ZP3: variants seen among roughly 807,000 people sequenced by gnomAD.
ZP3 encodes zona pellucida sperm-binding protein 3.
Under a neutral mutation model 35.6 loss-of-function variants are expected in ZP3, and 21 were observed. The ratio of observed to expected loss-of-function variants is 0.59; its 90% CI spans 0.42 to 0.85. The LOEUF is 0.85. Among genes scored for constraint, ZP3 ranks in the 40% least tolerant of loss-of-function variants. ZP3 has a pLI of 0.00. For missense variants in ZP3, 437 were observed against 536.5 expected (o/e 0.81, Z 1.83); for synonymous variants, 207 against 214.5 (o/e 0.96, Z 0.31).
At chr7:76,416,702 G>A (rs1805376928) in intron 1 of ZP3, among the ~76,000 whole-genome samples, 1 of 151,768 alleles carries the variant, frequency 6.6e-6, no homozygotes, top group Non-Finnish European at 1.5e-5. Context: ...AAGAGGCTGA[G>A]ATGGGAGAGT....
At chr7:76,431,528 C>G (rs1805824321) in intron 2 of ZP3, among the ~76,000 whole-genome samples, 1 of 152,148 alleles carries the variant, frequency 6.6e-6, no homozygotes, top group Non-Finnish European at 1.5e-5. Context: ...GACCTGCTTC[C>G]ATGGACTTCC....
chr7:76,401,884 C>A (rs1804841060), intron 1 of ZP3, among the ~76,000 whole-genome samples: 1 of 152,192 alleles, frequency 6.6e-6, no homozygotes, highest in Non-Finnish European at 1.5e-5. Flanking sequence ...AACTCTGTGT[C>A]CCCAGACTCT....
chr7:76,433,777 C>T (rs1306506256), intron 4 of ZP3, 130 bp downstream of exon 4: 3 of 1,118,192 alleles, frequency 2.7e-6, no homozygotes, highest in South Asian at 1.5e-5. Context: ...CTGCCCTCTG[C>T]AACCTCTGCC....
chr7:76,411,423 C>T (rs560894354), intron 1 of ZP3, among the ~76,000 whole-genome samples: 4 of 151,960 alleles, frequency 2.6e-5, no homozygotes, highest in East Asian at 3.9e-4. Flanking sequence ...GAAACATAGC[C>T]GGGCATGATG....
At chr7:76,429,478 G>A in intron 1 of ZP3, 37 bp from the exon 2 acceptor site, 1 of 1,602,658 alleles carries the variant, frequency 6.2e-7, no homozygotes, top group Non-Finnish European at 8.5e-7. Context: ...CCGGGCAGGT[G>A]ATGGCCGGCA....
chr7:76,419,638 CTTT>C (rs1805457388), intron 1 of ZP3, among the ~76,000 whole-genome samples: 8 of 150,528 alleles, frequency 5.3e-5, no homozygotes, highest in African/African-American at 2.0e-4. Flanking sequence ...CTTTTTCTTT[CTTT>C]CTTTTCTCTC....
intron 1 of ZP3, among the ~76,000 whole-genome samples, chr7:76,402,423 C>G (rs1804862978): frequency 6.6e-6 from 1 of 152,100 alleles, no homozygotes; most frequent in South Asian, 2.1e-4. Flanking sequence ...CTCAAGTGAT[C>G]CGCCTGCCTC....
intron 1 of ZP3, among the ~76,000 whole-genome samples, chr7:76,426,932 T>G (rs903106323): frequency 4.9e-5 from 5 of 101,844 alleles, no homozygotes; most frequent in Non-Finnish European, 8.8e-5. Flanking sequence ...GCGCCTGCCT[T>G]TAGTCTCAGC....
chr7:76,423,093 TG>T (rs1162074372), upstream of ZP3, among the ~76,000 whole-genome samples: 244 of 125,164 alleles, frequency 1.9e-3, 2 homozygotes, highest in African/African-American at 8.2e-3. Context: ...GAAAAGAAAT[TG>T]ACAGGAGGCT....
chr7:76,409,687 C>T, intron 1 of ZP3: 1 of 152,552 alleles, frequency 6.6e-6, no homozygotes, highest in Non-Finnish European at 1.5e-5. Context: ...CTGGAGCGGC[C>T]CCAGAAAAAG....
chr7:76,429,498 T>A lies in ZP3; in HGVS notation c.313-17T>A. 6.2e-7 allele frequency: 1 copy of A among 1,612,816 alleles called. No homozygotes were observed. Among genetic ancestry groups the A allele is most frequent in the Non-Finnish European group, 8.5e-7 (1 of 1,178,886 alleles). On this transcript the variant is annotated splice_polypyrimidine_tract_variant and intron_variant, in intron 1 of 7. Transcript: ENST00000394857. ...CAGGTGATGGCCGGCAGCATTAACT[T>A]CTCACCTTTCCTCCAGGTAACTGAC...
At chr7:76,399,104 C>T (rs966327352) in intron 1 of ZP3, among the ~76,000 whole-genome samples, 2 of 152,100 alleles carry the variant, frequency 1.3e-5, no homozygotes, top group African/African-American at 4.8e-5. Flanking sequence ...CTCCGCCTCC[C>T]TGGTTAAAGC....
intron 7 of ZP3, among the ~76,000 whole-genome samples, chr7:76,440,976 A>G (rs976427872): frequency 1.3e-5 from 2 of 152,112 alleles, no homozygotes; most frequent in Non-Finnish European, 2.9e-5. Context: ...GTTCGAGACC[A>G]GCCTGACCAA....
intron 1 of ZP3, among the ~76,000 whole-genome samples, chr7:76,405,116 T>G (rs1804956362): frequency 6.7e-6 from 1 of 148,224 alleles, no homozygotes; most frequent in Non-Finnish European, 1.5e-5. Flanking sequence ...TAGTAGATTT[T>G]TTTTTTCAGA....
chr7:76,433,413 C>T lies in ZP3; in HGVS notation c.536-57C>T, dbSNP rs554602272. ...CAGGTGATCCACCTGCCTCAGCCTCCCAAGGTGCTGGGATTACAGGCATGA... is the reference window on the plus strand; with the variant it reads ...CAGGTGATCCACCTGCCTCAGCCTCTCAAGGTGCTGGGATTACAGGCATGA... On this transcript the variant is annotated intron_variant, in intron 3 of 7. Coordinates refer to ENST00000394857, the MANE Select transcript of ZP3 (RefSeq NM_001110354.2). The T allele has an allele frequency of 1.6e-5, 25 of 1,564,086 alleles. No individual in the cohort carries two copies. The East Asian group carries it at 4.8e-4, about 30-fold the overall frequency.
chr7:76,405,772 G>A (rs1191747100), intron 1 of ZP3, among the ~76,000 whole-genome samples: 1 of 152,010 alleles, frequency 6.6e-6, no homozygotes, highest in East Asian at 1.9e-4. Context: ...TGTGTGAAGA[G>A]GGCAAATGGT....
In ZP3 at chr7:76,440,256, A is replaced by C. The variant is rs1169239795; in HGVS notation, c.838A>C (p.Ile280Leu). Reference protein sequence around the residue: ...FANDSRNMIYITCHLKVTLAE... With the variant: ...FANDSRNMIYLTCHLKVTLAE... ...TAGCTGTTATTCCTTGCAGATATAC[A>C]TCACCTGCCACCTGAAGGTCACCCT... Residue 280 changes from isoleucine to leucine, a missense_variant, in exon 6 of 8, where the codon ATC (isoleucine) becomes CTC (leucine). Transcript: ENST00000394857. 1 of 1,609,378 alleles carries C rather than the reference A, an allele frequency of 6.2e-7. No individual in the cohort carries two copies. Among genetic ancestry groups the C allele is most frequent in the Non-Finnish European group, 8.5e-7 (1 of 1,177,996 alleles).
intron 1 of ZP3, among the ~76,000 whole-genome samples, chr7:76,417,127 G>A (rs977836463): frequency 5.9e-5 from 9 of 151,426 alleles, no homozygotes; most frequent in East Asian, 3.9e-4. Flanking sequence ...GTGCGATCTC[G>A]GCTCACCCCA....
chr7:76,416,731 A>G (rs922781252), intron 1 of ZP3, among the ~76,000 whole-genome samples: 2 of 151,694 alleles, frequency 1.3e-5, no homozygotes, highest in Non-Finnish European at 2.9e-5. Flanking sequence ...CCTGCGAGAC[A>G]CAGGCTTCAG....
Sources: gnomAD v4.1 joint callset for allele counts (sites outside exome capture counted in the v4.1 genomes callset) on GRCh38, gnomAD v4.1.1 for gene constraint, MANE v1.5 for transcripts, NCBI Gene and HGNC (gene_info 2026-07-23, HGNC 2026-07-21) for gene names.